The following ARID3A variants were observed in gnomAD, a reference collection of about 807,000 sequenced individuals.
ARID3A encodes the protein AT-rich interactive domain-containing protein 3A.
A neutral mutation model predicts 52.7 loss-of-function variants in ARID3A; 11 were observed. The observed-to-expected ratio is 0.21, with a 90% confidence interval of 0.13 to 0.35. The LOEUF (loss-of-function observed/expected upper bound fraction) is 0.35, where lower values mean the gene tolerates loss of function less well. Ranked by LOEUF, ARID3A falls within the 10% of genes least tolerant of loss-of-function variation. The pLI is 1.00. For synonymous variants in ARID3A, 404 were observed against 359.4 expected (o/e 1.12, Z -1.40); for missense variants, 721 against 838.5 (o/e 0.86, Z 1.73).
Position 929,752 on chromosome 19 carries a change from C to T in ARID3A, c.224C>T (p.Pro75Leu), listed in dbSNP as rs756215696. Residue 75 changes from proline (P) to leucine (L), a missense_variant, in exon 2 of 9, where the codon CCA becomes CTA. This residue lies in a region of ARID3A where 349 missense variants were observed against 297.3 expected (regional missense o/e 1.17). Coordinates refer to ENST00000263620, the MANE Select transcript of ARID3A (RefSeq NM_005224.3). The surrounding 1 kb of genome is among the most constrained non-coding windows in gnomAD (Gnocchi z 6.2). ...MRAAAAGLGH[P>L]ASPGGSEDGP... ...GCTGCAGCTGCGGGCCTGGGACACC[C>T]AGCCAGCCCCGGCGGCTCTGAGGAT... 5.1e-5 allele frequency: 80 copies of T among 1,554,800 alleles called. No individual in the cohort carries two copies. The highest frequency in any genetic ancestry group is 1.6e-4 in the South Asian group (14 of 85,388).
In ARID3A at chr19:959,057, G is replaced by T. The variant is rs1261159094; in HGVS notation, c.694-1035G>T. 6.6e-6 allele frequency among the ~76,000 whole-genome samples: 1 copy of T among 152,180 alleles called. No individual in the cohort carries two copies. The highest frequency in any genetic ancestry group is 1.5e-5 in the Non-Finnish European group (1 of 68,028). On this transcript the variant is annotated intron_variant, in intron 3 of 8. Transcript: ENST00000263620. The surrounding 1 kb of genome is among the most constrained non-coding windows in gnomAD (Gnocchi z 5.0). ...GTGCCTGTGCCTGGGTGTGTGGGAGGCTCCACCCGTGAGGTGTGTGTGACT... is the reference window on the plus strand; with the variant it reads ...GTGCCTGTGCCTGGGTGTGTGGGAGTCTCCACCCGTGAGGTGTGTGTGACT...
rs373775705 is a variant in ARID3A at position 932,639 on chromosome 19, G to A, written c.590G>A (p.Arg197Gln). The A allele has an allele frequency of 2.8e-4, 432 of 1,537,412 alleles. No individual in the cohort carries two copies. Among genetic ancestry groups the A allele is most frequent in the Non-Finnish European group, 3.6e-4 (407 of 1,143,130 alleles). ...CCCAGGGTGCTGGGGGGCCAGGAGC[G>A]GCCGGGGCCTGGCCCTGCCCACCCC... is the stretch of plus-strand genomic sequence containing the variant. ...GVPRVLGGQE[R>Q]PGPGPAHPGG... The change falls in exon 3 of 9, where the codon CGG becomes CAG. Residue 197 changes from arginine to glutamine, a missense_variant. Arg to Gln is a conservative substitution (Grantham distance 43). Transcript: ENST00000263620.
intron 4 of ARID3A, among the ~76,000 whole-genome samples, chr19:963,200 C>T (rs576641466): frequency 1.7e-4 from 26 of 152,306 alleles, no homozygotes; most frequent in Middle Eastern, 3.4e-3. Context: ...TGTCCACGTC[C>T]CCATCCCTAA....
At chr19:945,407 C>T (rs1304462602) in intron 3 of ARID3A, among the ~76,000 whole-genome samples, 1 of 151,864 alleles carries the variant, frequency 6.6e-6, no homozygotes, top group Admixed American at 6.6e-5. Flanking sequence ...ACCCAGCCCA[C>T]CTCCGTCTGC....
chr19:953,004 C>T (rs1050999002), intron 3 of ARID3A, among the ~76,000 whole-genome samples: 5 of 152,166 alleles, frequency 3.3e-5, no homozygotes, highest in Non-Finnish European at 7.4e-5. Context: ...CGGCCACCCT[C>T]TTCTGTCCTG....
intron 3 of ARID3A, among the ~76,000 whole-genome samples, chr19:943,705 G>A (rs1243825892): frequency 3.9e-5 from 6 of 152,332 alleles, no homozygotes; most frequent in African/African-American, 1.4e-4. Flanking sequence ...TGGGAGAGGA[G>A]GGAAGGACCC....
intron 8 of ARID3A, among the ~76,000 whole-genome samples, 199 bp from the exon 9 acceptor site, chr19:971,679 C>T (rs967284159): frequency 2.0e-5 from 3 of 152,248 alleles, no homozygotes; most frequent in East Asian, 1.9e-4. Context: ...CTCAGCTACT[C>T]GGGAGGCTGA....
chr19:968,584 C>A, intron 8 of ARID3A, 81 bp downstream of exon 8: 2 of 1,367,582 alleles, frequency 1.5e-6, no homozygotes, highest in Non-Finnish European at 2.1e-6. Context: ...TGCGCCTGGT[C>A]CCACCTGCTT....
chr19:968,524 C>A (rs755902919), intron 8 of ARID3A, 21 bp downstream of exon 8: 15 of 1,609,374 alleles, frequency 9.3e-6, no homozygotes, highest in Non-Finnish European at 1.1e-5. Flanking sequence ...TGAGGCCACG[C>A]CCTGCCTGGA....
intron 3 of ARID3A, among the ~76,000 whole-genome samples, chr19:933,613 G>A (rs2037378390): frequency 6.6e-6 from 1 of 152,108 alleles, no homozygotes. Flanking sequence ...CTTCGGCCCT[G>A]GGCTTCCAGA....
rs1191909738 is a variant in ARID3A at position 960,637 on chromosome 19, C to T, written c.766+473C>T. On this transcript the variant is annotated intron_variant, in intron 4 of 8. Coordinates refer to ENST00000263620, the MANE Select transcript of ARID3A (RefSeq NM_005224.3). This position sits in a 1 kb window ranked among gnomAD's most constrained non-coding sequence, Gnocchi z 4.3. ...TCTAATGATCTCATGGCGGCCAATGCGACATTTGAGTCCTGGCCCCTCCCC... is the reference window on the plus strand; with the variant it reads ...TCTAATGATCTCATGGCGGCCAATGTGACATTTGAGTCCTGGCCCCTCCCC... 2.0e-5 allele frequency among the ~76,000 whole-genome samples: 3 copies of T among 152,024 alleles called. No individual in the cohort carries two copies. The highest frequency in any genetic ancestry group is 6.6e-5 in the Admixed American group (1 of 15,254).
At chr19:925,829 GC>G (rs1409419419), upstream of ARID3A, 2 of 152,138 alleles carry the variant, frequency 1.3e-5, no homozygotes, top group Non-Finnish European at 2.9e-5. Context: ...TCGTCAGACC[GC>G]GGGAGGGGGG....
chr19:937,609 T>C (rs1220324341), intron 3 of ARID3A, among the ~76,000 whole-genome samples: 1 of 152,026 alleles, frequency 6.6e-6, no homozygotes, highest in South Asian at 2.1e-4. Flanking sequence ...ACTGCTAGAC[T>C]GTTTAGCAAG....
chr19:968,087 A>G (rs974493836), intron 7 of ARID3A, among the ~76,000 whole-genome samples: 8 of 142,360 alleles, frequency 5.6e-5, no homozygotes, highest in Non-Finnish European at 1.1e-4. Context: ...TCGGCTGGGC[A>G]CAGTGGCTCA....
chr19:960,815 C>G lies in ARID3A; in HGVS notation c.766+651C>G, dbSNP rs1197907733. On this transcript the variant is annotated intron_variant, in intron 4 of 8. Transcript: ENST00000263620. This position sits in a 1 kb window ranked among gnomAD's most constrained non-coding sequence, Gnocchi z 4.3. Reference sequence around the variant, plus strand: ...TATTGGGCACCAACGGTATACCAGGCTCTGTGCCCCCAAAGTCTCCTGGCC... The same window carrying G: ...TATTGGGCACCAACGGTATACCAGGGTCTGTGCCCCCAAAGTCTCCTGGCC... 2.0e-5 allele frequency among the ~76,000 whole-genome samples: 3 copies of G among 152,290 alleles called. No individual in the cohort carries two copies. Among genetic ancestry groups the G allele is most frequent in the Middle Eastern group, 6.8e-3 (2 of 294 alleles).
chr19:961,054 T>A (rs1637996), intron 4 of ARID3A, among the ~76,000 whole-genome samples: 1 of 152,102 alleles, frequency 6.6e-6, no homozygotes, highest in East Asian at 1.9e-4. Context: ...GAGCGTCTGC[T>A]GCCAGGTAGG....
Position 966,796 on chromosome 19 carries a change from C to G in ARID3A, c.1423C>G (p.Gln475Glu). The change falls in exon 7 of 9, where the codon CAA becomes GAA. Residue 475 changes from glutamine (Q) to glutamate (E), a missense_variant. Gln to Glu is a conservative substitution (Grantham distance 29, BLOSUM62 2). Coordinates refer to ENST00000263620, the MANE Select transcript of ARID3A (RefSeq NM_005224.3). ...LVADEQQRLMQRALQQNFLAM... is the reference protein window; with the variant it reads ...LVADEQQRLMERALQQNFLAM... Reference sequence around the variant, plus strand: ...GGCCGATGAGCAGCAACGGCTGATGCAACGTGCACTCCAGCAGAACTTCCT... The same window carrying G: ...GGCCGATGAGCAGCAACGGCTGATGGAACGTGCACTCCAGCAGAACTTCCT... The G allele has an allele frequency of 6.2e-7, 1 of 1,613,696 alleles. No homozygotes were observed. The highest frequency in any genetic ancestry group is 8.5e-7 in the Non-Finnish European group (1 of 1,180,012).
intron 3 of ARID3A, among the ~76,000 whole-genome samples, chr19:933,052 C>T (rs903027298): frequency 2.6e-5 from 4 of 152,004 alleles, no homozygotes; most frequent in Admixed American, 2.0e-4. Context: ...GAGAGGCTGG[C>T]GCCGGCCCGA....
chr19:947,301 G>A lies in ARID3A; in HGVS notation c.694-12791G>A, dbSNP rs1028472198. On this transcript the variant is annotated intron_variant, in intron 3 of 8. Transcript: ENST00000263620. This position sits in a 1 kb window ranked among gnomAD's most constrained non-coding sequence, Gnocchi z 6.3. ...CGGCGGAGACTCTATTAGGGACTGCGGGCCCCAGATTTCCACGTCATATCT... is the reference window on the plus strand; with the variant it reads ...CGGCGGAGACTCTATTAGGGACTGCAGGCCCCAGATTTCCACGTCATATCT... 5.3e-5 allele frequency among the ~76,000 whole-genome samples: 8 copies of A among 152,136 alleles called. No individual in the cohort carries two copies. Among genetic ancestry groups the A allele is most frequent in the African/African-American group, 1.7e-4 (7 of 41,430 alleles).
Sources: allele counts gnomAD v4.1 joint callset (sites outside exome capture counted in the v4.1 genomes callset), GRCh38; gene constraint gnomAD v4.1.1; regional missense constraint gnomAD v4.1.1; non-coding constraint Gnocchi (gnomAD v3.1); transcripts MANE v1.5; gene names NCBI Gene and HGNC (gene_info 2026-07-23, HGNC 2026-07-21).